ANKRD62: variants seen among roughly 807,000 people sequenced by gnomAD.
ANKRD62 encodes the protein ankyrin repeat domain-containing protein 62.
A neutral mutation model predicts 98.8 loss-of-function variants in ANKRD62; 61 were observed. The ratio of observed to expected loss-of-function variants is 0.62; its 90% CI spans 0.50 to 0.76. The LOEUF (loss-of-function observed/expected upper bound fraction) is 0.76. ANKRD62 is among the 30% of genes least tolerant of loss of function. The probability of loss-of-function intolerance (pLI) is 0.00; values close to 1 mark genes in which losing one functional copy is unlikely to be tolerated. For synonymous variants in ANKRD62, 341 were observed against 367.9 expected, an observed-to-expected ratio of 0.93 and a Z score of 0.84; for missense variants, 933 against 1,082.9, an observed-to-expected ratio of 0.86 and a Z score of 1.94.
chr18:12,096,296 T>C lies in ANKRD62; in HGVS notation c.608T>C (p.Phe203Ser). Residue 203 changes from phenylalanine to serine, a missense_variant, in exon 4 of 14, where the codon TTT becomes TCT. Around this residue, in one of 3 missense-constraint regions of ANKRD62, gnomAD observed 549 missense variants for 587.9 expected, o/e 0.93. Coordinates refer to ENST00000587848, the MANE Select transcript of ANKRD62 (RefSeq NM_001277333.2). ...KKPDLTAIDN[F>S]GRTALILAAR... ...CCAGATTTAACTGCAATAGATAATT[T>C]TGGAAGGTACAGTAGTTCTTTTTTT... is the stretch of plus-strand genomic sequence containing the variant. The C allele has an allele frequency of 6.6e-7, 1 of 1,521,466 alleles. No homozygotes were observed. The highest frequency in any genetic ancestry group is 1.2e-5 in the South Asian group (1 of 83,364). 94.2% of individuals were successfully genotyped at this position (1,521,466 alleles called of 1,614,324 possible). A position where few individuals can be genotyped will look rare whatever the true frequency, so the allele number is the denominator to read the frequency against.
At chr18:12,139,352 A>G in the ANKRD62 span, among the ~76,000 whole-genome samples, 1 of 152,074 alleles carries the variant, frequency 6.6e-6, no homozygotes, top group African/African-American at 2.4e-5. Context: ...TCTTTTCTTT[A>G]AGAATGTTGA....
intron 7 of ANKRD62, among the ~76,000 whole-genome samples, chr18:12,104,973 A>C (rs1389699015): frequency 6.6e-6 from 1 of 152,254 alleles, no homozygotes; most frequent in Non-Finnish European, 1.5e-5. Context: ...TGACACAAAA[A>C]GTACAAAAGC....
the ANKRD62 span, among the ~76,000 whole-genome samples, chr18:12,140,358 A>G: frequency 6.6e-5 from 10 of 152,234 alleles, no homozygotes; most frequent in South Asian, 1.0e-3. Context: ...GTCAAAGTCA[A>G]TCTGTGTCCA....
the ANKRD62 span, among the ~76,000 whole-genome samples, chr18:12,158,143 C>T: frequency 1.3e-5 from 2 of 152,198 alleles, no homozygotes; most frequent in African/African-American, 4.8e-5. Context: ...TATTCAGAGA[C>T]AGGCCTAGGT....
intron 13 of ANKRD62, among the ~76,000 whole-genome samples, chr18:12,127,376 G>T (rs1909913954): frequency 6.6e-6 from 1 of 152,176 alleles, no homozygotes; most frequent in Non-Finnish European, 1.5e-5. Flanking sequence ...AATATGTGAA[G>T]AACTCTGAGG....
chr18:12,099,556 T>C, intron 5 of ANKRD62, 59 bp from the exon 6 acceptor site: 1 of 1,094,036 alleles, frequency 9.1e-7, no homozygotes, highest in Non-Finnish European at 1.3e-6. Flanking sequence ...ATGTATTTGG[T>C]AAAGTTTTTC....
At chr18:12,097,557 T>C in intron 4 of ANKRD62, 83 bp from the exon 5 acceptor site, 1 of 1,388,626 alleles carries the variant, frequency 7.2e-7, no homozygotes, top group East Asian at 2.5e-5. Context: ...GACAGGCATA[T>C]TAAATTGGTA....
Position 12,129,113 on chromosome 18 carries a change from C to G in ANKRD62, c.*1174C>G, listed in dbSNP as rs1011992561. On this transcript the variant is annotated 3_prime_UTR_variant, in exon 14 of 14. Transcript: ENST00000587848. ...TTCTTGCTACAGCAAAAATTAAATG[C>G]AAACAGACAAAAAAGAAATGAAATT... The G allele has an allele frequency of 1.3e-5, 2 of 151,754 alleles. No homozygotes were observed. Among genetic ancestry groups the G allele is most frequent in the African/African-American group, 2.4e-5 (1 of 41,318 alleles). The allele number at this position is 151,754 out of a possible 1,614,324, so 9.4% of individuals were successfully genotyped here.
At chr18:12,116,338 T>C (rs1909664363) in intron 10 of ANKRD62, among the ~76,000 whole-genome samples, 1 of 152,242 alleles carries the variant, frequency 6.6e-6, no homozygotes, top group Non-Finnish European at 1.5e-5. Context: ...TCACACTAAG[T>C]ATTGCAGTAT....
At position 12,126,350 on chromosome 18, in the gene ANKRD62, A is replaced by G. The variant is rs1192295053; in HGVS notation, c.2529A>G (p.Gln843=). The change falls in exon 13 of 14, where the codon CAA becomes CAG. Residue 843 remains glutamine, a synonymous_variant. Transcript: ENST00000587848. ...MKECTLLKER[Q]CQYEKEKEER... is the part of the protein sequence containing the mutation. ...AATGCACTCTTTTAAAAGAAAGACA[A>G]TGCCAATATGAAAAAGAGAAAGAAG... 1.3e-6 allele frequency: 2 copies of G among 1,513,930 alleles called. No homozygotes were observed. The highest frequency in any genetic ancestry group is 4.9e-5 in the East Asian group (2 of 40,856). The allele number at this position is 1,513,930 out of a possible 1,614,324, so 93.8% of individuals were successfully genotyped here. A position where few individuals can be genotyped will look rare whatever the true frequency, so the allele number is the denominator to read the frequency against.
At chr18:12,134,657 G>C (rs1447672605), downstream of ANKRD62, among the ~76,000 whole-genome samples, 2 of 152,092 alleles carry the variant, frequency 1.3e-5, no homozygotes. Flanking sequence ...AGTTTGCTGA[G>C]AATGATGGTT....
intron 8 of ANKRD62, among the ~76,000 whole-genome samples, chr18:12,108,476 A>G (rs530265189): frequency 6.6e-6 from 1 of 152,278 alleles, no homozygotes; most frequent in South Asian, 2.1e-4. Flanking sequence ...TGATCAAGTC[A>G]CTTCCCACCA....
Position 12,126,242 on chromosome 18 carries a change from C to A in ANKRD62, c.2421C>A (p.Ile807=), listed in dbSNP as rs1167898561. 1 of 1,535,812 alleles carries A rather than the reference C, an allele frequency of 6.5e-7. No individual in the cohort carries two copies. The highest frequency in any genetic ancestry group is 2.4e-5 in the East Asian group (1 of 40,926). Residue 807 remains isoleucine (I), a synonymous_variant, in exon 13 of 14, where the codon ATC becomes ATA. Transcript: ENST00000587848. ...ATCAGGAGAAAACAATAATTAATATCCAAGTCAAATGTGAAGATACTGTAG... is the reference window on the plus strand; with the variant it reads ...ATCAGGAGAAAACAATAATTAATATACAAGTCAAATGTGAAGATACTGTAG... ...ADNQEKTIIN[I]QVKCEDTVEK...
intron 7 of ANKRD62, among the ~76,000 whole-genome samples, chr18:12,104,712 C>T (rs2143903857): frequency 6.6e-6 from 1 of 152,192 alleles, no homozygotes; most frequent in African/African-American, 2.4e-5. Context: ...TCAAATTTGA[C>T]AAATAATGCA....
chr18:12,123,678 T>C (rs1361288722), intron 11 of ANKRD62, among the ~76,000 whole-genome samples: 1 of 152,234 alleles, frequency 6.6e-6, no homozygotes, highest in Non-Finnish European at 1.5e-5. Context: ...CAAGAAGGCA[T>C]CTGGAGGTGC....
intron 7 of ANKRD62, among the ~76,000 whole-genome samples, chr18:12,105,162 T>G (rs1428453007): frequency 6.6e-6 from 1 of 152,188 alleles, no homozygotes; most frequent in Non-Finnish European, 1.5e-5. Flanking sequence ...AAATTAAGTA[T>G]GTGAGAAAAA....
the ANKRD62 span, among the ~76,000 whole-genome samples, chr18:12,155,914 T>C: frequency 6.6e-6 from 1 of 152,174 alleles, no homozygotes; most frequent in African/African-American, 2.4e-5. Context: ...CTTAGGTATT[T>C]GTCCCCTTTA....
the ANKRD62 span, among the ~76,000 whole-genome samples, chr18:12,137,609 T>C: frequency 6.6e-6 from 1 of 152,216 alleles, no homozygotes. Context: ...GTTGCAATAG[T>C]TTCAGAAGGA....
chr18:12,145,227 G>A, the ANKRD62 span, among the ~76,000 whole-genome samples: 1 of 152,162 alleles, frequency 6.6e-6, no homozygotes, highest in Non-Finnish European at 1.5e-5. Context: ...CACCCAAGTG[G>A]CAAAGATGTT....
Sources: gnomAD v4.1 joint callset for allele counts (sites outside exome capture counted in the v4.1 genomes callset) on GRCh38, gnomAD v4.1.1 for gene constraint, gnomAD v4.1.1 regional missense constraint, MANE v1.5 for transcripts, NCBI Gene and HGNC (gene_info 2026-07-23, HGNC 2026-07-21) for gene names.